Variants in ZNF565 observed in about 807,000 individuals in gnomAD.
ZNF565 encodes the protein zinc finger protein 565.
In ZNF565, 27 loss-of-function variants were observed where a neutral mutation model predicts 39.4. That is an observed-to-expected ratio of 0.69 (90% CI 0.51 to 0.95). ZNF565 has a LOEUF of 0.95. Among genes scored for constraint, ZNF565 ranks in the 40% least tolerant of loss-of-function variants. ZNF565 has a pLI of 0.00. For missense variants in ZNF565, 524 were observed against 621.1 expected, an observed-to-expected ratio of 0.84 and a Z score of 1.66; for synonymous variants, 185 against 216.6, an observed-to-expected ratio of 0.85 and a Z score of 1.28.
At chr19:36,204,065 T>A (rs1416524188) in intron 1 of ZNF565, among the ~76,000 whole-genome samples, 1 of 150,946 alleles carries the variant, frequency 6.6e-6, no homozygotes, top group Non-Finnish European at 1.5e-5. Context: ...TCCTTCCACC[T>A]CGGCCTCCCA....
At chr19:36,228,136 G>C (rs1324388047) in intron 1 of ZNF565, among the ~76,000 whole-genome samples, 1 of 146,302 alleles carries the variant, frequency 6.8e-6, no homozygotes, top group African/African-American at 2.6e-5. Flanking sequence ...CTCTAGCCTG[G>C]GCAACAGGAG....
At chr19:36,222,928 C>G (rs1051461676) in intron 1 of ZNF565, among the ~76,000 whole-genome samples, 1 of 151,182 alleles carries the variant, frequency 6.6e-6, no homozygotes, top group African/African-American at 2.4e-5. Context: ...TAGAATGAGC[C>G]CCCTGTGGTT....
At chr19:36,241,802 A>T (rs55696179) in intron 1 of ZNF565, among the ~76,000 whole-genome samples, 1,413 of 139,510 alleles carry the variant, frequency 0.01, 17 homozygotes, top group Non-Finnish European at 0.012. Flanking sequence ...AAAAAAAAAA[A>T]AGCTGGGACA....
At chr19:36,212,230 G>T (rs1420285993) in intron 1 of ZNF565, among the ~76,000 whole-genome samples, 1 of 152,046 alleles carries the variant, frequency 6.6e-6, no homozygotes, top group African/African-American at 2.4e-5. Flanking sequence ...CTACACTGCA[G>T]ACTCTACAAA....
chr19:36,233,590 A>G (rs1393289736), intron 1 of ZNF565, among the ~76,000 whole-genome samples: 5 of 152,264 alleles, frequency 3.3e-5, no homozygotes, highest in East Asian at 1.9e-4. Context: ...TGGCAGGACA[A>G]TAGGGTAATA....
Position 36,183,603 on chromosome 19 carries a change from G to A in ZNF565, c.363C>T (p.Cys121=), listed in dbSNP as rs1423946061. 1.9e-6 allele frequency: 3 copies of A among 1,614,100 alleles called. No homozygotes were observed. The highest frequency in any genetic ancestry group is 2.2e-5 in the East Asian group (1 of 44,880). ...EGSDFRADWE[C]EGQFERQVNE... ...TGACTTGTCTCTCAAACTGGCCTTC[G>A]CATTCCCAGTCAGCTCTAAAATCGG... Residue 121 remains cysteine (C), a synonymous_variant, in exon 5 of 5, where the codon TGC becomes TGT. Coordinates refer to ENST00000304116, the MANE Select transcript of ZNF565 (RefSeq NM_152477.5).
intron 1 of ZNF565, among the ~76,000 whole-genome samples, chr19:36,227,123 T>C (rs1470143459): frequency 1.3e-5 from 2 of 151,592 alleles, no homozygotes; most frequent in African/African-American, 4.8e-5. Flanking sequence ...GCGCAGTGGC[T>C]CACACCTGTA....
intron 1 of ZNF565, among the ~76,000 whole-genome samples, chr19:36,241,011 T>C (rs1266890814): frequency 6.6e-6 from 1 of 152,236 alleles, no homozygotes; most frequent in East Asian, 1.9e-4. Context: ...CCTTGCCAGA[T>C]GTCAGTCTCT....
intron 4 of ZNF565, among the ~76,000 whole-genome samples, chr19:36,187,761 C>T (rs908236194): frequency 3.9e-5 from 6 of 151,960 alleles, no homozygotes; most frequent in African/African-American, 1.5e-4. Context: ...CCTCAGCCTC[C>T]CGAGTAGCTG....
At chr19:36,239,781 T>C (rs1326441619) in intron 1 of ZNF565, among the ~76,000 whole-genome samples, 2 of 152,210 alleles carry the variant, frequency 1.3e-5, no homozygotes, top group Non-Finnish European at 2.9e-5. Context: ...GAAAAATGGC[T>C]CAGACCCTAG....
At chr19:36,239,828 AT>A (rs1315500919) in intron 1 of ZNF565, among the ~76,000 whole-genome samples, 8 of 152,080 alleles carry the variant, frequency 5.3e-5, no homozygotes, top group Non-Finnish European at 8.8e-5. Flanking sequence ...CTTCATGAAA[AT>A]TTTTTTATTC....
chr19:36,242,357 C>T (rs897692163), intron 1 of ZNF565, among the ~76,000 whole-genome samples: 1 of 151,628 alleles, frequency 6.6e-6, no homozygotes, highest in African/African-American at 2.4e-5. Flanking sequence ...TGCAGTGAGG[C>T]GAGATCAAGC....
rs1377252547 is a variant in ZNF565, at chr19:36,183,044, CAT to C, written c.920_921del (p.Tyr307Ter). The C allele has an allele frequency of 6.2e-7, 1 of 1,614,078 alleles. No homozygotes were observed. Among genetic ancestry groups the C allele is most frequent in the African/African-American group, 1.3e-5 (1 of 74,932 alleles). On this transcript the variant is annotated frameshift_variant, in exon 5 of 5. Transcript: ENST00000304116. LOFTEE classifies it high-confidence loss of function. ...HRRIHTGARP[Y>X]ECKECGKAFR... The stretch of plus-strand genomic sequence containing the variant: ...AAGGCTTTCCCGCATTCTTTACACT[CAT>C]AGGGTCTGGCCCCTGTGTGGATTCT...
intron 4 of ZNF565, among the ~76,000 whole-genome samples, chr19:36,190,124 G>A (rs371332986): frequency 5.3e-5 from 8 of 151,904 alleles, no homozygotes; most frequent in South Asian, 2.1e-4. Context: ...GTGCCACCGC[G>A]CCCGTCCATA....
At position 36,245,498 on chromosome 19, in the gene ZNF565, G is replaced by T. The variant is rs1242194594; in HGVS notation, c.33C>A (p.Leu11=). Residue 11 remains leucine (L), a synonymous_variant, in exon 1 of 5, where the codon CTC becomes CTA. Coordinates refer to the ZNF565 transcript ENST00000355114. This position sits in a 1 kb window ranked among gnomAD's most constrained non-coding sequence, Gnocchi z 4.4. ...TACCTGCGTCCAGGCGGTGACTTGC[G>T]AGGGACCACCTTTCCCAGGGTCCAC... 2.0e-5 allele frequency: 14 copies of T among 702,090 alleles called. No homozygotes were observed. The South Asian group carries it at 2.1e-4, about 10-fold the overall frequency. The allele number at this position is 702,090 out of a possible 1,614,324, so 43.5% of individuals were successfully genotyped here. A position where few individuals can be genotyped will look rare whatever the true frequency, so the allele number is the denominator to read the frequency against.
At chr19:36,183,786 TA>T in intron 4 of ZNF565, 53 bp from the exon 5 acceptor site, 1 of 1,513,494 alleles carries the variant, frequency 6.6e-7, no homozygotes, top group Non-Finnish European at 8.9e-7. Context: ...CTATGAGAAA[TA>T]AAAAATTCTA....
intron 1 of ZNF565, among the ~76,000 whole-genome samples, chr19:36,203,965 T>G (rs571075698): frequency 6.6e-6 from 1 of 152,036 alleles, no homozygotes; most frequent in East Asian, 1.9e-4. Flanking sequence ...TTTTTTTTTT[T>G]TTGAAATGGG....
intron 1 of ZNF565, among the ~76,000 whole-genome samples, chr19:36,240,853 G>T (rs1404560846): frequency 6.8e-6 from 1 of 147,352 alleles, no homozygotes; most frequent in Non-Finnish European, 1.5e-5. Context: ...CTGGGAGACA[G>T]AATGAGACTC....
At chr19:36,206,308 G>A (rs1486545579) in intron 1 of ZNF565, among the ~76,000 whole-genome samples, 1 of 151,884 alleles carries the variant, frequency 6.6e-6, no homozygotes, top group Admixed American at 6.6e-5. Flanking sequence ...ACTGACATAC[G>A]GAGATAGATG....
Sources: gnomAD v4.1 joint callset for allele counts (sites outside exome capture counted in the v4.1 genomes callset) on GRCh38, gnomAD v4.1.1 for gene constraint, Gnocchi (gnomAD v3.1) non-coding constraint, MANE v1.5 for transcripts, NCBI Gene and HGNC (gene_info 2026-07-23, HGNC 2026-07-21) for gene names.